Variants in EPM2A observed in about 807,000 individuals in gnomAD.
EPM2A encodes EPM2A glucan phosphatase, laforin.
EPM2A carries 21 observed loss-of-function variants against 26.5 expected under a neutral mutation model. The observed-to-expected ratio is 0.79, with a 90% CI of 0.56 to 1.14. The LOEUF (loss-of-function observed/expected upper bound fraction) is 1.14. Ranked by LOEUF, EPM2A falls within the 50% of genes most tolerant of loss-of-function variation. The pLI, the probability that EPM2A is intolerant of heterozygous loss-of-function variation, is 0.00. For missense variants in EPM2A, 458 were observed against 440.8 expected, an observed-to-expected ratio of 1.04 and a Z score of -0.35; for synonymous variants, 217 against 177.6, an observed-to-expected ratio of 1.22 and a Z score of -1.76.
At chr6:145,417,104 G>A (rs1778719076) in intron 4 of EPM2A, among the ~76,000 whole-genome samples, 2 of 152,120 alleles carry the variant, frequency 1.3e-5, no homozygotes, top group African/African-American at 4.8e-5. Context: ...GGGAAGCTTA[G>A]GAAGCTCGTT....
intron 4 of EPM2A, among the ~76,000 whole-genome samples, chr6:145,425,422 G>A (rs1426032942): frequency 6.6e-6 from 1 of 152,040 alleles, no homozygotes; most frequent in African/African-American, 2.4e-5. Context: ...GGACCCACCT[G>A]CCTTTGCCTT....
chr6:145,584,798 C>T (rs1430607244), intron 2 of EPM2A, among the ~76,000 whole-genome samples: 1 of 152,176 alleles, frequency 6.6e-6, no homozygotes, highest in Non-Finnish European at 1.5e-5. Context: ...CTGCATCCTC[C>T]CTGCATCCAT....
intron 2 of EPM2A, among the ~76,000 whole-genome samples, chr6:145,642,043 A>G (rs1447099234): frequency 6.6e-6 from 1 of 152,166 alleles, no homozygotes; most frequent in Non-Finnish European, 1.5e-5. Context: ...TTGAGCATAT[A>G]TAGCCCTGAA....
intron 2 of EPM2A, among the ~76,000 whole-genome samples, chr6:145,607,017 A>T (rs557170126): frequency 6.6e-6 from 1 of 152,296 alleles, no homozygotes; most frequent in South Asian, 2.1e-4. Context: ...GAATAGACAA[A>T]TAAGGCAACT....
intron 1 of EPM2A, among the ~76,000 whole-genome samples, chr6:145,727,726 C>T (rs1396722379): frequency 6.6e-6 from 1 of 152,172 alleles, no homozygotes; most frequent in Non-Finnish European, 1.5e-5. Flanking sequence ...CTGTAGCATG[C>T]ATTGTTAGCT....
chr6:145,489,146 A>G (rs1466707468), intron 4 of EPM2A, among the ~76,000 whole-genome samples: 1 of 152,196 alleles, frequency 6.6e-6, no homozygotes, highest in Non-Finnish European at 1.5e-5. Context: ...CATTTGTTCC[A>G]ACGAAAGAAA....
chr6:145,729,452 C>G (rs1484505909), intron 1 of EPM2A, among the ~76,000 whole-genome samples: 1 of 152,214 alleles, frequency 6.6e-6, no homozygotes, highest in Non-Finnish European at 1.5e-5. Context: ...CTTGAAAGCC[C>G]ACCCCTCACA....
At position 145,593,707 on chromosome 6, in the gene EPM2A, A is replaced by G. The variant is rs562925680; in HGVS notation, c.340+41538T>C. Among the ~76,000 whole-genome samples, 4 of 152,196 alleles carry G rather than the reference A, an allele frequency of 2.6e-5. No individual in the cohort carries two copies. The East Asian group carries it at 7.7e-4, about 29-fold the overall frequency. On this transcript the variant is annotated intron_variant, in intron 2 of 3. Coordinates refer to the EPM2A transcript ENST00000450221. ...ATGGGCCAAAGAAAAAATTCTCCAG[A>G]GAAATTAAGTTACTTTACTCTAAAA...
intron 2 of EPM2A, among the ~76,000 whole-genome samples, chr6:145,590,566 T>C (rs1781259652): frequency 6.6e-6 from 1 of 152,104 alleles, no homozygotes; most frequent in African/African-American, 2.4e-5. Flanking sequence ...CTGCCACATC[T>C]ACAGGGTCCC....
intron 4 of EPM2A, among the ~76,000 whole-genome samples, chr6:145,402,598 A>G (rs939793568): frequency 4.6e-5 from 7 of 152,126 alleles, no homozygotes; most frequent in African/African-American, 1.7e-4. Context: ...TCTTGTTTTT[A>G]GGAAACTCCC....
Position 145,616,193 on chromosome 6 carries a change from A to G in EPM2A, c.340+19052T>C, listed in dbSNP as rs181116028. Among the ~76,000 whole-genome samples the G allele has an allele frequency of 3.8e-3, 585 of 152,338 alleles. 3 individuals carry two copies. Among genetic ancestry groups the G allele is most frequent in the Middle Eastern group, 6.8e-3 (2 of 294 alleles). Reference sequence around the variant, plus strand: ...ATCCCCATGCTATGTGCAGCCTAGAAATGTGATGCCCTGCATCCCAGCTGT... The same window carrying G: ...ATCCCCATGCTATGTGCAGCCTAGAGATGTGATGCCCTGCATCCCAGCTGT... On this transcript the variant is annotated intron_variant, in intron 2 of 3. Coordinates refer to the EPM2A transcript ENST00000450221.
intron 2 of EPM2A, among the ~76,000 whole-genome samples, chr6:145,569,392 G>C (rs763368319): frequency 6.6e-6 from 1 of 152,192 alleles, no homozygotes; most frequent in Non-Finnish European, 1.5e-5. Flanking sequence ...TCCCATGGCA[G>C]AATCAGGCAT....
rs553992524 is a variant in EPM2A, at chr6:145,693,350, A to G, written c.302-7054T>C. On this transcript the variant is annotated intron_variant, in intron 1 of 3. Coordinates refer to ENST00000367519, the MANE Select transcript of EPM2A (RefSeq NM_005670.4). ...GGTTTTCTAGGTATAAAATCATATC[A>G]TCTGCAAACAGGGATAGTTTGACTT... Among the ~76,000 whole-genome samples, 4 of 152,042 alleles carry G rather than the reference A, an allele frequency of 2.6e-5. No homozygotes were observed. The East Asian group carries it at 7.7e-4, about 29-fold the overall frequency.
intron 2 of EPM2A, among the ~76,000 whole-genome samples, chr6:145,595,694 T>C (rs925069084): frequency 1.3e-5 from 2 of 152,292 alleles, no homozygotes; most frequent in Non-Finnish European, 2.9e-5. Context: ...TTTTTGCATA[T>C]TGATTTTGAA....
intron 2 of EPM2A, among the ~76,000 whole-genome samples, chr6:145,615,532 C>T (rs1265423167): frequency 6.6e-6 from 1 of 151,816 alleles, no homozygotes; most frequent in Non-Finnish European, 1.5e-5. Flanking sequence ...GCTGTAAATA[C>T]CTGAAAATGA....
chr6:145,428,630 T>A (rs752203919), intron 4 of EPM2A, among the ~76,000 whole-genome samples: 3 of 152,212 alleles, frequency 2.0e-5, no homozygotes, highest in Non-Finnish European at 4.4e-5. Context: ...GCATACATAC[T>A]CACACACACA....
At chr6:145,498,723 C>T (rs1006415144), downstream of EPM2A, among the ~76,000 whole-genome samples, 1 of 152,136 alleles carries the variant, frequency 6.6e-6, no homozygotes, top group Non-Finnish European at 1.5e-5. Context: ...AGTGCAAGTA[C>T]CTGTATGTTT....
chr6:145,473,503 G>A (rs888663229), intron 4 of EPM2A, among the ~76,000 whole-genome samples: 15 of 151,774 alleles, frequency 9.9e-5, no homozygotes. Context: ...TTACTCAAAG[G>A]GATAATAACA....
At chr6:145,659,742 T>C (rs1019149387) in intron 2 of EPM2A, among the ~76,000 whole-genome samples, 1 of 152,204 alleles carries the variant, frequency 6.6e-6, no homozygotes, top group Non-Finnish European at 1.5e-5. Context: ...CATAGTGAAC[T>C]GTAACCTAAC....
Sources: allele counts gnomAD v4.1 joint callset (sites outside exome capture counted in the v4.1 genomes callset), GRCh38; gene constraint gnomAD v4.1.1; transcripts MANE v1.5; gene names NCBI Gene and HGNC (gene_info 2026-07-23, HGNC 2026-07-21).